The following ITGB6 variants were observed in gnomAD, a reference collection of about 807,000 sequenced individuals.
ITGB6 encodes the protein integrin beta-6.
ITGB6 carries 80 observed loss-of-function variants against 84.5 expected under a neutral mutation model. The observed-to-expected ratio is 0.95, with a 90% confidence interval of 0.79 to 1.14. The LOEUF (loss-of-function observed/expected upper bound fraction) is 1.14. ITGB6 is among the 50% of genes most tolerant of loss of function. ITGB6 has a pLI of 0.00. For missense variants in ITGB6, 1,006 were observed against 968.0 expected (o/e 1.04, Z -0.52); for synonymous variants, 383 against 354.9 (o/e 1.08, Z -0.89).
At chr2:160,117,741 A>C (rs1326143032) in intron 12 of ITGB6, among the ~76,000 whole-genome samples, 1 of 152,142 alleles carries the variant, frequency 6.6e-6, no homozygotes, top group Non-Finnish European at 1.5e-5. Flanking sequence ...TTTTTTGAAA[A>C]GATCAACAAA....
intron 4 of ITGB6, among the ~76,000 whole-genome samples, chr2:160,190,413 C>T (rs769226913): frequency 1.8e-4 from 27 of 151,950 alleles, no homozygotes; most frequent in Non-Finnish European, 2.5e-4. Context: ...GCGAAAACAC[C>T]GAAGGCTTGA....
At chr2:160,151,745 CA>C (rs1174594579) in intron 7 of ITGB6, among the ~76,000 whole-genome samples, 1 of 151,586 alleles carries the variant, frequency 6.6e-6, no homozygotes, top group East Asian at 1.9e-4. Flanking sequence ...ATAGATGCAA[CA>C]AAAAATGATA....
At chr2:160,133,537 G>A (rs1031302601) in intron 10 of ITGB6, among the ~76,000 whole-genome samples, 2 of 152,144 alleles carry the variant, frequency 1.3e-5, no homozygotes, top group African/African-American at 4.8e-5. Context: ...ATTGAACTCA[G>A]CTCTGCACCA....
chr2:160,151,692 A>C (rs1684422559), intron 7 of ITGB6, among the ~76,000 whole-genome samples: 1 of 152,196 alleles, frequency 6.6e-6, no homozygotes. Context: ...AAATTGATAG[A>C]CCACTAGCAA....
chr2:160,158,927 CG>C (rs1684723428), intron 7 of ITGB6, among the ~76,000 whole-genome samples: 1 of 151,968 alleles, frequency 6.6e-6, no homozygotes, highest in East Asian at 1.9e-4. Context: ...GGTGAAACCC[CG>C]TCTCTAATAA....
intron 7 of ITGB6, among the ~76,000 whole-genome samples, chr2:160,151,359 A>G (rs566583138): frequency 2.8e-4 from 42 of 152,248 alleles, no homozygotes; most frequent in African/African-American, 8.9e-4. Context: ...GGTACATAAC[A>G]AAATGAAGGC....
intron 7 of ITGB6, among the ~76,000 whole-genome samples, chr2:160,165,061 C>T (rs1280884532): frequency 6.6e-6 from 1 of 152,134 alleles, no homozygotes; most frequent in African/African-American, 2.4e-5. Context: ...CTTTCCATTA[C>T]ACTTAAATAA....
intron 4 of ITGB6, among the ~76,000 whole-genome samples, chr2:160,185,667 C>G (rs1484405270): frequency 3.9e-5 from 6 of 152,178 alleles, no homozygotes; most frequent in Non-Finnish European, 4.4e-5. Context: ...TTAGCAAAGA[C>G]AATCCTAAGC....
intron 7 of ITGB6, among the ~76,000 whole-genome samples, chr2:160,168,115 T>C (rs1157205224): frequency 6.6e-6 from 1 of 152,136 alleles, no homozygotes; most frequent in South Asian, 2.1e-4. Flanking sequence ...AGGTTTCAAG[T>C]ATGGAGCTTG....
In ITGB6 at chr2:160,100,341, T is replaced by C. The variant is rs779006999; in HGVS notation, c.*1395A>G. On this transcript the variant is annotated 3_prime_UTR_variant, in exon 15 of 15. Coordinates refer to ENST00000283249, the MANE Select transcript of ITGB6 (RefSeq NM_000888.5). ...ACAAAAGTACAATATCTCATCTATATGCCAGCAGTTTAAATGCTATTTGTT... is the reference window on the plus strand; with the variant it reads ...ACAAAAGTACAATATCTCATCTATACGCCAGCAGTTTAAATGCTATTTGTT... The C allele has an allele frequency of 2.0e-5, 3 of 152,244 alleles. No individual in the cohort carries two copies. Among genetic ancestry groups the C allele is most frequent in the Non-Finnish European group, 2.9e-5 (2 of 68,046 alleles). 9.4% of individuals were successfully genotyped at this position (152,244 alleles called of 1,614,324 possible). A position where few individuals can be genotyped will look rare whatever the true frequency, so the allele number is the denominator to read the frequency against.
chr2:160,178,993 A>G (rs540610040), intron 4 of ITGB6: 130 of 152,098 alleles, frequency 8.5e-4, no homozygotes, highest in African/African-American at 2.9e-3. Context: ...TCATTTTCTA[A>G]CAAATGTTCA....
intron 12 of ITGB6, among the ~76,000 whole-genome samples, chr2:160,114,633 T>G (rs1229267189): frequency 6.6e-6 from 1 of 152,144 alleles, no homozygotes; most frequent in Non-Finnish European, 1.5e-5. Context: ...TTCATCTCAC[T>G]AGGGAGTGCC....
At chr2:160,111,597 C>CAG (rs1203629892) in intron 13 of ITGB6, among the ~76,000 whole-genome samples, 1 of 76,934 alleles carries the variant, frequency 1.3e-5, no homozygotes, top group Non-Finnish European at 2.7e-5. Context: ...GTCATCTTAG[C>CAG]TGTTTTTTTT....
intron 13 of ITGB6, 93 bp from the exon 14 acceptor site, chr2:160,107,938 G>T (rs968156528): frequency 1.8e-6 from 2 of 1,113,948 alleles, no homozygotes; most frequent in Non-Finnish European, 2.5e-6. Flanking sequence ...TACATTTTCT[G>T]CAGCAGAGGA....
intron 7 of ITGB6, among the ~76,000 whole-genome samples, chr2:160,150,116 G>A (rs1684353527): frequency 6.6e-6 from 1 of 152,088 alleles, no homozygotes; most frequent in Non-Finnish European, 1.5e-5. Flanking sequence ...ACACTACAAA[G>A]ATACTCCTCG....
At chr2:160,150,524 C>T (rs912270861) in intron 7 of ITGB6, among the ~76,000 whole-genome samples, 4 of 152,112 alleles carry the variant, frequency 2.6e-5, no homozygotes, top group Admixed American at 1.3e-4. Context: ...TAAAGGACAT[C>T]GATGCTATGA....
At chr2:160,185,047 G>A (rs1685839467) in intron 4 of ITGB6, among the ~76,000 whole-genome samples, 1 of 152,188 alleles carries the variant, frequency 6.6e-6, no homozygotes, top group African/African-American at 2.4e-5. Flanking sequence ...AAAGCTGGAA[G>A]CATTCCCTTT....
At chr2:160,121,408 T>C (rs1409599032) in intron 12 of ITGB6, among the ~76,000 whole-genome samples, 1 of 152,226 alleles carries the variant, frequency 6.6e-6, no homozygotes, top group Non-Finnish European at 1.5e-5. Flanking sequence ...CCTTTTTCTA[T>C]GTAATGTTTT....
intron 14 of ITGB6, among the ~76,000 whole-genome samples, chr2:160,104,695 A>AT (rs758269126): frequency 5.9e-5 from 9 of 152,142 alleles, no homozygotes; most frequent in Non-Finnish European, 1.2e-4. Context: ...CAGGCTGAAC[A>AT]TTTTTTTGCC....
Sources: allele counts gnomAD v4.1 joint callset (sites outside exome capture counted in the v4.1 genomes callset), GRCh38; gene constraint gnomAD v4.1.1; transcripts MANE v1.5; gene names NCBI Gene and HGNC (gene_info 2026-07-23, HGNC 2026-07-21).